Variants in AKT3 observed in about 807,000 individuals in gnomAD.
AKT3 encodes RAC-gamma serine/threonine-protein kinase.
Under a neutral mutation model 65.3 loss-of-function variants are expected in AKT3, and 15 were observed. That is an observed-to-expected ratio of 0.23 (90% confidence interval 0.15 to 0.35). The LOEUF (loss-of-function observed/expected upper bound fraction) is 0.35. Ranked by LOEUF, AKT3 falls within the 10% of genes least tolerant of loss-of-function variation. The probability of loss-of-function intolerance (pLI) is 1.00; values close to 1 mark genes in which losing one functional copy is unlikely to be tolerated. For missense variants in AKT3, 243 were observed against 576.5 expected (o/e 0.42, Z 5.92); for synonymous variants, 206 against 183.8 (o/e 1.12, Z -0.98).
intron 2 of AKT3, among the ~76,000 whole-genome samples, chr1:243,757,654 T>C (rs1689221789): frequency 6.6e-6 from 1 of 152,174 alleles, no homozygotes; most frequent in Non-Finnish European, 1.5e-5. Context: ...GCATTATTCT[T>C]ACAACTTTTC....
At chr1:243,489,114 G>A in intron 13 of AKT3, 1 of 1,612,946 alleles carries the variant, frequency 6.2e-7, no homozygotes, top group Non-Finnish European at 8.5e-7. Flanking sequence ...GAGCCTGTCG[G>A]AAGAGGTGGA....
chr1:243,495,732 G>T (rs909817031), downstream of AKT3, among the ~76,000 whole-genome samples: 2 of 152,184 alleles, frequency 1.3e-5, no homozygotes, highest in South Asian at 2.1e-4. Flanking sequence ...GCGTTTCCCC[G>T]ACGTTCTGCC....
At chr1:243,720,673 G>C (rs1285068562) in intron 2 of AKT3, among the ~76,000 whole-genome samples, 1 of 151,982 alleles carries the variant, frequency 6.6e-6, no homozygotes, top group African/African-American at 2.4e-5. Flanking sequence ...CGAATAAAGA[G>C]ATCTCCTCAA....
intron 8 of AKT3, among the ~76,000 whole-genome samples, chr1:243,610,408 A>G (rs1002138478): frequency 2.0e-5 from 3 of 152,246 alleles, no homozygotes; most frequent in African/African-American, 7.2e-5. Context: ...CTTTGATGGG[A>G]AAGACAGACA....
At chr1:243,526,636 G>A (rs1345738240) in intron 12 of AKT3, among the ~76,000 whole-genome samples, 1 of 151,708 alleles carries the variant, frequency 6.6e-6, no homozygotes, top group Non-Finnish European at 1.5e-5. Flanking sequence ...TTGCAAGGAA[G>A]AAATATTTAA....
At chr1:243,522,288 T>C (rs981066584) in intron 12 of AKT3, among the ~76,000 whole-genome samples, 1 of 152,152 alleles carries the variant, frequency 6.6e-6, no homozygotes, top group Non-Finnish European at 1.5e-5. Context: ...TGAGCAAAAG[T>C]TGAATAAGTA....
intron 12 of AKT3, among the ~76,000 whole-genome samples, chr1:243,544,036 C>G (rs2148445471): frequency 6.6e-6 from 1 of 151,852 alleles, no homozygotes; most frequent in Middle Eastern, 3.4e-3. Context: ...CATAACAGAC[C>G]CCAAATAAAT....
chr1:243,631,588 G>A (rs564603692), intron 6 of AKT3, among the ~76,000 whole-genome samples: 5 of 152,222 alleles, frequency 3.3e-5, no homozygotes, highest in East Asian at 1.9e-4. Flanking sequence ...CATGCCCAGC[G>A]TGGCAATTTC....
At chr1:243,515,328 G>A (rs371884068) in intron 12 of AKT3, among the ~76,000 whole-genome samples, 59 of 151,574 alleles carry the variant, frequency 3.9e-4, no homozygotes, top group African/African-American at 1.4e-3. Flanking sequence ...TGGCTGGGCC[G>A]TATGGTAGGT....
chr1:243,552,288 C>CAAAAAAAAAAAAA (rs33995513), intron 11 of AKT3, among the ~76,000 whole-genome samples: 1 of 50,166 alleles, frequency 2.0e-5, no homozygotes, highest in Admixed American at 4.1e-4. Context: ...GACTCTGTCT[C>CAAAAAAAAAAAAA]AAAAAAAAAA....
intron 2 of AKT3, among the ~76,000 whole-genome samples, chr1:243,796,851 A>G (rs1418119943): frequency 6.6e-6 from 1 of 152,176 alleles, no homozygotes; most frequent in Non-Finnish European, 1.5e-5. Flanking sequence ...AACCTGGAAA[A>G]CACTACGCTA....
At chr1:243,759,958 G>T (rs1321277193) in intron 2 of AKT3, among the ~76,000 whole-genome samples, 6 of 152,094 alleles carry the variant, frequency 3.9e-5, no homozygotes, top group Admixed American at 2.0e-4. Context: ...TAATGTCAAT[G>T]GGGAACCAAA....
intron 2 of AKT3, among the ~76,000 whole-genome samples, chr1:243,739,860 C>A (rs948699678): frequency 1.3e-5 from 2 of 152,200 alleles, no homozygotes; most frequent in East Asian, 3.8e-4. Context: ...TGCTGCTAGT[C>A]CCTCAGGTTT....
At chr1:243,705,067 A>G (rs1685709206) in intron 2 of AKT3, among the ~76,000 whole-genome samples, 1 of 152,046 alleles carries the variant, frequency 6.6e-6, no homozygotes, top group African/African-American at 2.4e-5. Flanking sequence ...GCTTTGCCAC[A>G]TATGTTCCCT....
intron 3 of AKT3, among the ~76,000 whole-genome samples, chr1:243,665,788 T>G (rs1293526972): frequency 6.6e-6 from 1 of 152,174 alleles, no homozygotes; most frequent in Admixed American, 6.5e-5. Context: ...ACATCTGAGC[T>G]GGGCTTTAAA....
chr1:243,529,471 T>C (rs181576314), intron 12 of AKT3, among the ~76,000 whole-genome samples: 2 of 152,264 alleles, frequency 1.3e-5, no homozygotes, highest in East Asian at 1.9e-4. Flanking sequence ...TTTTTGTATA[T>C]GGTGTAAGAA....
intron 2 of AKT3, among the ~76,000 whole-genome samples, chr1:243,746,202 T>C (rs1381165333): frequency 6.6e-6 from 1 of 152,220 alleles, no homozygotes; most frequent in Admixed American, 6.5e-5. Flanking sequence ...TGTCTCCGTA[T>C]GTTTTTTTCA....
At chr1:243,703,776 A>G (rs1685625352) in intron 2 of AKT3, among the ~76,000 whole-genome samples, 1 of 151,556 alleles carries the variant, frequency 6.6e-6, no homozygotes, top group Non-Finnish European at 1.5e-5. Context: ...AAAAAAAAAA[A>G]AAGAAAAAGA....
intron 4 of AKT3, among the ~76,000 whole-genome samples, chr1:243,657,058 A>G (rs1419362927): frequency 1.3e-5 from 2 of 152,224 alleles, no homozygotes; most frequent in East Asian, 3.8e-4. Flanking sequence ...TAGGTCTACA[A>G]AGAATAAATG....
Sources: allele counts gnomAD v4.1 joint callset (sites outside exome capture counted in the v4.1 genomes callset), GRCh38; gene constraint gnomAD v4.1.1; transcripts MANE v1.5; gene names NCBI Gene and HGNC (gene_info 2026-07-23, HGNC 2026-07-21).